SLC35E4: variants seen among roughly 807,000 people sequenced by gnomAD.
The protein encoded by SLC35E4 is solute carrier family 35, member E4.
In SLC35E4, 15 loss-of-function variants were observed where a neutral mutation model predicts 19.3. That is an observed-to-expected ratio of 0.78 (90% CI 0.52 to 1.20). The LOEUF (loss-of-function observed/expected upper bound fraction) is 1.20, where lower values mean the gene tolerates loss of function less well. Ranked by LOEUF, SLC35E4 falls within the 50% of genes most tolerant of loss-of-function variation. The pLI, the probability that SLC35E4 is intolerant of heterozygous loss-of-function variation, is 0.00. For missense variants in SLC35E4, 406 were observed against 472.3 expected (o/e 0.86, Z 1.30); for synonymous variants, 219 against 219.9 (o/e 1.00, Z 0.04).
intron 2 of SLC35E4, among the ~76,000 whole-genome samples, chr22:30,660,112 G>GT (rs1452312894): frequency 6.6e-6 from 1 of 152,182 alleles, no homozygotes; most frequent in Non-Finnish European, 1.5e-5. Context: ...AACACATTTG[G>GT]TTTTGGCCGT....
chr22:30,646,507 G>A, intron 1 of SLC35E4, 91 bp from the exon 2 acceptor site: 1 of 1,447,298 alleles, frequency 6.9e-7, no homozygotes, highest in Non-Finnish European at 9.3e-7. Flanking sequence ...GTCCGGGTAG[G>A]CTTCTTGGAG....
At chr22:30,645,573 C>T (rs1427847877) in intron 1 of SLC35E4, among the ~76,000 whole-genome samples, 2 of 116,162 alleles carry the variant, frequency 1.7e-5, no homozygotes, top group African/African-American at 6.2e-5. Flanking sequence ...CCAGCCTGGG[C>T]AACAGAGCAA....
chr22:30,641,225 G>A (rs2145577814), intron 1 of SLC35E4, among the ~76,000 whole-genome samples: 1 of 152,308 alleles, frequency 6.6e-6, no homozygotes, highest in Admixed American at 6.5e-5. Flanking sequence ...CTGCAGGAGG[G>A]GCAATGGCCG....
chr22:30,654,672 C>A, intron 2 of SLC35E4: 1 of 433,092 alleles, frequency 2.3e-6, no homozygotes. Flanking sequence ...GGTACTTCAA[C>A]TTCTTTCTAT....
chr22:30,660,841 A>ATTT (rs201034099), intron 2 of SLC35E4, among the ~76,000 whole-genome samples: 1 of 144,298 alleles, frequency 6.9e-6, no homozygotes, highest in Non-Finnish European at 1.5e-5. Flanking sequence ...GCATAGAACA[A>ATTT]TTTTTTTTTT....
At chr22:30,661,296 T>C (rs1169866795) in intron 2 of SLC35E4, 1 of 152,114 alleles carries the variant, frequency 6.6e-6, no homozygotes, top group East Asian at 1.9e-4. Flanking sequence ...AGAGCTGAAA[T>C]GACTATCAAA....
At chr22:30,638,501 CAAAA>C (rs33962458) in intron 1 of SLC35E4, among the ~76,000 whole-genome samples, 14,559 of 62,956 alleles carry the variant, frequency 0.23, 950 homozygotes, top group East Asian at 0.35. Context: ...GACTCCATCT[CAAAA>C]AAAAAAAAAA....
intron 2 of SLC35E4, among the ~76,000 whole-genome samples, chr22:30,657,254 G>GT (rs2088356258): frequency 6.8e-6 from 1 of 147,164 alleles, no homozygotes; most frequent in Non-Finnish European, 1.5e-5. Context: ...GGCCAACACG[G>GT]TGAAACCCTG....
intron 2 of SLC35E4, among the ~76,000 whole-genome samples, chr22:30,655,052 T>C (rs1378174064): frequency 6.6e-6 from 1 of 152,152 alleles, no homozygotes. Context: ...TCCTAATTCC[T>C]GGGGTTCTGC....
At chr22:30,656,960 A>G (rs2088350120) in intron 2 of SLC35E4, among the ~76,000 whole-genome samples, 1 of 151,788 alleles carries the variant, frequency 6.6e-6, no homozygotes, top group African/African-American at 2.4e-5. Context: ...ATTTTGTATA[A>G]AAATATAAAG....
intron 1 of SLC35E4, among the ~76,000 whole-genome samples, chr22:30,641,385 C>T (rs2088033857): frequency 6.6e-6 from 1 of 152,198 alleles, no homozygotes. Flanking sequence ...CTGCGGTATC[C>T]TCTGCTCCCC....
In SLC35E4 at chr22:30,646,693, C is replaced by G; in HGVS notation, c.715C>G (p.Leu239Val). ...FCLLAGAALV[L>V]EAGVAPPPTA... is the part of the protein sequence containing the mutation. ...CCTGCTGGCGGGTGCAGCCCTGGTGCTGGAGGCTGGCGTTGCCCCACCGCC... is the reference window on the plus strand; with the variant it reads ...CCTGCTGGCGGGTGCAGCCCTGGTGGTGGAGGCTGGCGTTGCCCCACCGCC... Residue 239 changes from leucine (L) to valine (V), a missense_variant, in exon 2 of 2, where the codon CTG becomes GTG. Physicochemically the swap from Leu to Val is conservative, Grantham distance 32. Transcript: ENST00000343605. 3.1e-6 allele frequency: 5 copies of G among 1,612,332 alleles called. No individual in the cohort carries two copies. The highest frequency in any genetic ancestry group is 4.2e-6 in the Non-Finnish European group (5 of 1,179,814).
chr22:30,663,526 C>T (rs770796583), downstream of SLC35E4: 11 of 1,614,046 alleles, frequency 6.8e-6, no homozygotes, highest in Non-Finnish European at 9.3e-6. Context: ...GTGTTCTTGC[C>T]AAACAATTGG....
downstream of SLC35E4, chr22:30,649,271 C>T: frequency 1.4e-6 from 1 of 716,646 alleles, no homozygotes; most frequent in Non-Finnish European, 2.6e-6. Context: ...CACCAACTGG[C>T]TCTGCTTTTA....
At chr22:30,655,340 C>T (rs1484706780) in intron 2 of SLC35E4, among the ~76,000 whole-genome samples, 1 of 149,712 alleles carries the variant, frequency 6.7e-6, no homozygotes, top group African/African-American at 2.5e-5. Flanking sequence ...GCCTGTAGTC[C>T]CAGCTACTTG....
intron 2 of SLC35E4, among the ~76,000 whole-genome samples, chr22:30,655,652 T>C (rs1347621984): frequency 6.6e-6 from 1 of 152,128 alleles, no homozygotes; most frequent in African/African-American, 2.4e-5. Flanking sequence ...GGTTTCAGCA[T>C]AAACATGATG....
chr22:30,662,605 T>C (rs868780895), exon 3 of SLC35E4: 128 of 152,246 alleles, frequency 8.4e-4, no homozygotes, highest in African/African-American at 2.9e-3. Flanking sequence ...GGCGTGAGGA[T>C]TGCTTGAGGC....
intron 2 of SLC35E4, chr22:30,654,509 C>T (rs1015716603): frequency 1.2e-5 from 5 of 426,696 alleles, no homozygotes; most frequent in East Asian, 7.3e-5. Flanking sequence ...CACCTTGAGG[C>T]GGTCTTGGGC....
chr22:30,655,266 G>GACA (rs2088311893), intron 2 of SLC35E4, among the ~76,000 whole-genome samples: 1 of 148,656 alleles, frequency 6.7e-6, no homozygotes, highest in Non-Finnish European at 1.5e-5. Flanking sequence ...GACCCATCTG[G>GACA]ACAACATAGC....
Sources: allele counts gnomAD v4.1 joint callset (sites outside exome capture counted in the v4.1 genomes callset), GRCh38; gene constraint gnomAD v4.1.1; transcripts MANE v1.5; gene names NCBI Gene and HGNC (gene_info 2026-07-23, HGNC 2026-07-21).